Variants in CADM2 observed in about 807,000 individuals in gnomAD.
CADM2 encodes immunoglobulin superfamily member 4D.
A neutral mutation model predicts 49.8 loss-of-function variants in CADM2; 12 were observed. The observed-to-expected ratio is 0.24, with a 90% CI of 0.15 to 0.39. CADM2 has a LOEUF of 0.39. CADM2 is among the 10% of genes least tolerant of loss of function. The probability of loss-of-function intolerance (pLI) is 1.00; values close to 1 mark genes in which losing one functional copy is unlikely to be tolerated. For synonymous variants in CADM2, 214 were observed against 175.4 expected (o/e 1.22, Z -1.74); for missense variants, 378 against 492.3 (o/e 0.77, Z 2.20).
intron 1 of CADM2, among the ~76,000 whole-genome samples, chr3:84,980,575 G>A (rs567263586): frequency 2.4e-4 from 37 of 152,174 alleles, no homozygotes; most frequent in African/African-American, 8.9e-4. Context: ...AAGAGCTACC[G>A]TTTTATGTTG....
chr3:85,290,073 A>G (rs1008773223), intron 1 of CADM2, among the ~76,000 whole-genome samples: 7 of 152,124 alleles, frequency 4.6e-5, no homozygotes, highest in African/African-American at 1.7e-4. Flanking sequence ...GGCGCAGGTC[A>G]GTGGGTGTGT....
At position 84,980,810 on chromosome 3, in the gene CADM2, A is replaced by G. The variant is rs2032130441; in HGVS notation, c.61+21142A>G. Among the ~76,000 whole-genome samples, 4 of 152,294 alleles carry G rather than the reference A, an allele frequency of 2.6e-5. No individual in the cohort carries two copies. The South Asian group carries it at 8.3e-4, about 32-fold the overall frequency. On this transcript the variant is annotated intron_variant, in intron 1 of 9. Transcript: ENST00000383699. ...GTGAGGGTTAATAAGTTAACATGGT[A>G]AAATGGCTCATATCAGATCTAAAAT...
intron 8 of CADM2, among the ~76,000 whole-genome samples, chr3:86,024,023 C>A (rs1277975633): frequency 6.6e-6 from 1 of 152,200 alleles, no homozygotes. Flanking sequence ...TCCCCATTCA[C>A]CCAGAGTTCT....
At chr3:85,437,485 C>T (rs116771410) in intron 1 of CADM2, among the ~76,000 whole-genome samples, 2,122 of 152,168 alleles carry the variant, frequency 0.014, 44 homozygotes, top group African/African-American at 0.048. Context: ...ATGAGTGTTC[C>T]TGTTGCTCCA....
At chr3:85,413,969 A>T (rs760177893) in intron 1 of CADM2, among the ~76,000 whole-genome samples, 3 of 151,942 alleles carry the variant, frequency 2.0e-5, no homozygotes, top group African/African-American at 4.8e-5. Context: ...GGTTCAAGCG[A>T]TTCTTCTTCC....
chr3:85,908,079 A>G (rs1360587981), intron 5 of CADM2, among the ~76,000 whole-genome samples: 2 of 151,988 alleles, frequency 1.3e-5, no homozygotes, highest in Non-Finnish European at 2.9e-5. Context: ...ACTTAAGAGG[A>G]TTTTCTTTTT....
intron 1 of CADM2, among the ~76,000 whole-genome samples, chr3:85,585,951 T>C (rs937493487): frequency 3.3e-5 from 5 of 151,274 alleles, no homozygotes; most frequent in African/African-American, 1.2e-4. Flanking sequence ...ATAAATGTTA[T>C]CATTTTTTTA....
intron 1 of CADM2, among the ~76,000 whole-genome samples, chr3:85,641,643 T>A (rs1473252494): frequency 6.6e-6 from 1 of 151,922 alleles, no homozygotes; most frequent in Non-Finnish European, 1.5e-5. Flanking sequence ...TAGGCATGAA[T>A]GGGCCGGGCA....
intron 1 of CADM2, among the ~76,000 whole-genome samples, chr3:85,585,662 C>T (rs1170094569): frequency 2.0e-5 from 3 of 151,972 alleles, no homozygotes; most frequent in Non-Finnish European, 4.4e-5. Flanking sequence ...CAATTTTAAA[C>T]ATTTATCAAA....
intron 1 of CADM2, among the ~76,000 whole-genome samples, chr3:85,090,283 A>G (rs953606495): frequency 1.3e-5 from 2 of 152,108 alleles, no homozygotes; most frequent in African/African-American, 2.4e-5. Context: ...ACATTATGTT[A>G]GTATATTTTT....
intron 1 of CADM2, among the ~76,000 whole-genome samples, chr3:85,239,392 A>G (rs1386201535): frequency 6.6e-6 from 1 of 151,730 alleles, no homozygotes; most frequent in African/African-American, 2.4e-5. Context: ...AAAGAGCTGT[A>G]ACACTAAAGA....
At chr3:85,988,390 T>A (rs1728370227) in intron 8 of CADM2, among the ~76,000 whole-genome samples, 1 of 152,210 alleles carries the variant, frequency 6.6e-6, no homozygotes, top group Admixed American at 6.5e-5. Context: ...GAATACCTTC[T>A]GAAATATGTA....
chr3:85,945,898 T>C (rs1205633970), intron 7 of CADM2, among the ~76,000 whole-genome samples: 2 of 152,048 alleles, frequency 1.3e-5, no homozygotes, highest in African/African-American at 2.4e-5. Flanking sequence ...TCACCACTCC[T>C]ATTCAACATA....
chr3:85,897,673 A>G (rs1329994308), intron 5 of CADM2, among the ~76,000 whole-genome samples: 1 of 152,038 alleles, frequency 6.6e-6, no homozygotes, highest in Non-Finnish European at 1.5e-5. Flanking sequence ...CTTTGTGGAA[A>G]CTACTTGATA....
chr3:85,767,563 T>A (rs544774014), intron 2 of CADM2, among the ~76,000 whole-genome samples: 1 of 152,294 alleles, frequency 6.6e-6, no homozygotes, highest in African/African-American at 2.4e-5. Context: ...ATTATCGTGA[T>A]CTTTTATTCT....
intron 9 of CADM2, 57 bp downstream of exon 9, chr3:86,065,787 A>T: frequency 6.4e-7 from 1 of 1,557,184 alleles, no homozygotes; most frequent in East Asian, 2.3e-5. Context: ...GACTAACTTC[A>T]TTATAAAATA....
intron 1 of CADM2, among the ~76,000 whole-genome samples, chr3:85,228,571 G>A (rs554305428): frequency 6.6e-6 from 1 of 151,852 alleles, no homozygotes; most frequent in Non-Finnish European, 1.5e-5. Context: ...TAACAGTCAG[G>A]CCCCTCAGCT....
At chr3:85,813,731 G>A (rs780140570) in intron 3 of CADM2, among the ~76,000 whole-genome samples, 43 of 152,220 alleles carry the variant, frequency 2.8e-4, no homozygotes, top group Non-Finnish European at 5.3e-4. Flanking sequence ...TGTAGGGAAG[G>A]GGTCCAGTTT....
At chr3:85,347,995 G>A (rs139341546) in intron 1 of CADM2, among the ~76,000 whole-genome samples, 1 of 152,096 alleles carries the variant, frequency 6.6e-6, no homozygotes, top group African/African-American at 2.4e-5. Flanking sequence ...TTTTGATAGA[G>A]ACAGGTTTTC....
Sources: gnomAD v4.1 joint callset for allele counts (sites outside exome capture counted in the v4.1 genomes callset) on GRCh38, gnomAD v4.1.1 for gene constraint, MANE v1.5 for transcripts, NCBI Gene and HGNC (gene_info 2026-07-23, HGNC 2026-07-21) for gene names.